Variants in SLC9C2 observed in about 807,000 individuals in gnomAD.
SLC9C2 encodes sodium/hydrogen exchanger 11.
Under a neutral mutation model 140.2 loss-of-function variants are expected in SLC9C2, and 75 were observed. That is an observed-to-expected ratio of 0.53 (90% CI 0.44 to 0.65). The LOEUF (loss-of-function observed/expected upper bound fraction) is 0.65, where lower values mean the gene tolerates loss of function less well. Among genes scored for constraint, SLC9C2 ranks in the 30% least tolerant of loss-of-function variants. SLC9C2 has a pLI of 0.00. For missense variants in SLC9C2, 1,074 were observed against 1,331.8 expected (o/e 0.81, Z 3.01); for synonymous variants, 375 against 420.9 (o/e 0.89, Z 1.34).
At chr1:173,563,649 T>C (rs898957577) in intron 9 of SLC9C2, among the ~76,000 whole-genome samples, 4 of 152,200 alleles carry the variant, frequency 2.6e-5, no homozygotes, top group African/African-American at 7.2e-5. Context: ...TGCATAATAA[T>C]GACATCATGC....
chr1:173,585,286 G>T (rs891421900), intron 5 of SLC9C2, among the ~76,000 whole-genome samples: 2 of 152,174 alleles, frequency 1.3e-5, no homozygotes, highest in Non-Finnish European at 2.9e-5. Context: ...TTACAATGCA[G>T]ATGGGCACCT....
intron 9 of SLC9C2, among the ~76,000 whole-genome samples, chr1:173,564,907 G>C (rs1664361971): frequency 6.6e-6 from 1 of 150,674 alleles, no homozygotes; most frequent in Admixed American, 6.6e-5. Context: ...AAAGTGCTGG[G>C]ATTACAGGCG....
At chr1:173,532,820 G>A (rs1285844870) in intron 17 of SLC9C2, among the ~76,000 whole-genome samples, 5 of 152,154 alleles carry the variant, frequency 3.3e-5, no homozygotes, top group Non-Finnish European at 5.9e-5. Flanking sequence ...GCCGAAACAG[G>A]AGGATTGCTG....
Position 173,533,656 on chromosome 1 carries a change from C to T in SLC9C2, c.2116G>A (p.Val706Ile). 1 of 1,609,186 alleles carries T rather than the reference C, an allele frequency of 6.2e-7. No homozygotes were observed. Among genetic ancestry groups the T allele is most frequent in the Non-Finnish European group, 8.5e-7 (1 of 1,176,738 alleles). Residue 706 changes from valine to isoleucine, a missense_variant, in exon 17 of 28, where the codon GTA (valine) becomes ATA (isoleucine). By Grantham distance (29) the Val-to-Ile change is conservative. Transcript: ENST00000367714. ...ATTATTCTTAAATATCCCATTATTA[C>T]TGTAAGCTGTATAAGAGCCAAGTTG... ...PDNLALIQLT[V>I]IMGYLRIIRF... is the part of the protein sequence containing the mutation.
At chr1:173,549,997 A>C (rs1663144630) in intron 11 of SLC9C2, among the ~76,000 whole-genome samples, 1 of 152,208 alleles carries the variant, frequency 6.6e-6, no homozygotes, top group Non-Finnish European at 1.5e-5. Context: ...TGGCAGCCAA[A>C]GGGATTTGGT....
At position 173,509,601 on chromosome 1, in the gene SLC9C2, G is replaced by T; in HGVS notation, c.3006C>A (p.Ala1002=). The T allele has an allele frequency of 6.3e-7, 1 of 1,588,944 alleles. No individual in the cohort carries two copies. Among genetic ancestry groups the T allele is most frequent in the East Asian group, 2.3e-5 (1 of 44,116 alleles). Residue 1002 remains alanine (A), a synonymous_variant, in exon 24 of 28, where the codon GCC becomes GCA. Coordinates refer to ENST00000367714, the MANE Select transcript of SLC9C2 (RefSeq NM_178527.4). ...KIWLKLALST[A]YQYFESSLID... The stretch of plus-strand genomic sequence containing the variant: ...TAAGACTTGATTCAAAATACTGATA[G>T]GCAGTACTGAGAGCAAGCTTTAGCC...
At chr1:173,512,169 T>A (rs772462696) in intron 23 of SLC9C2, among the ~76,000 whole-genome samples, 3 of 152,216 alleles carry the variant, frequency 2.0e-5, no homozygotes, top group Non-Finnish European at 2.9e-5. Flanking sequence ...TTTAAAATAG[T>A]TTTTTCTAAT....
At chr1:173,571,082 G>T (rs1311667463) in intron 9 of SLC9C2, among the ~76,000 whole-genome samples, 7 of 152,108 alleles carry the variant, frequency 4.6e-5, no homozygotes, top group Admixed American at 2.6e-4. Flanking sequence ...GTTCCTGCAG[G>T]GGGGTGAGAG....
Position 173,507,508 on chromosome 1 carries a change from G to GCACA in SLC9C2, c.3040-471_3040-468dup, listed in dbSNP as rs148480049. ...AGGGAGTTATTATGGGTTGAATTGTGCACACACACACACACACACACACCA... is the reference window on the plus strand; with the variant it reads ...AGGGAGTTATTATGGGTTGAATTGTGCACACACACACACACACACACACACACCA... On this transcript the variant is annotated intron_variant, in intron 24 of 27. Coordinates refer to ENST00000367714, the MANE Select transcript of SLC9C2 (RefSeq NM_178527.4). Among the ~76,000 whole-genome samples the GCACA allele has an allele frequency of 7.3e-3, 934 of 128,114 alleles. 8 individuals carry two copies. Among genetic ancestry groups the GCACA allele is most frequent in the African/African-American group, 0.016 (635 of 38,766 alleles). 84.0% of individuals were successfully genotyped at this position (128,114 alleles called of 152,430 possible).
At chr1:173,575,806 C>A (rs12041743) in intron 8 of SLC9C2, among the ~76,000 whole-genome samples, 21,286 of 152,120 alleles carry the variant, frequency 0.14, 1,784 homozygotes, top group East Asian at 0.32. Flanking sequence ...TCTCGATCTC[C>A]TGACCTCGTG....
Position 173,554,783 on chromosome 1 carries a change from A to C in SLC9C2, c.1247T>G (p.Leu416Trp). The C allele has an allele frequency of 6.2e-7, 1 of 1,607,956 alleles. No individual in the cohort carries two copies. The part of the protein sequence containing the change: ...FILYVQVISL[L>W]TMGINSYVMT... ...CACGTATGAATTTATTCCCATTGTC[A>C]ATAATGATATTACTTGTACATAGAG... Residue 416 changes from leucine to tryptophan, a missense_variant, in exon 11 of 28, where the codon TTG (leucine) becomes TGG (tryptophan). Leu to Trp is a moderately conservative substitution (Grantham distance 61). Coordinates refer to ENST00000367714, the MANE Select transcript of SLC9C2 (RefSeq NM_178527.4).
At chr1:173,537,633 CAT>C (rs1662074596) in intron 13 of SLC9C2, among the ~76,000 whole-genome samples, 1 of 151,844 alleles carries the variant, frequency 6.6e-6, no homozygotes, top group Non-Finnish European at 1.5e-5. Context: ...TACACACACA[CAT>C]ATATACGCAT....
Position 173,505,407 on chromosome 1 carries a change from A to G in SLC9C2, c.3226-76T>C, listed in dbSNP as rs897326900. On this transcript the variant is annotated intron_variant, in intron 25 of 27. Coordinates refer to ENST00000367714, the MANE Select transcript of SLC9C2 (RefSeq NM_178527.4). ...CCTGGCTGCTTCCTAATCTTTCCAA[A>G]GAGTATAAAAAATAAGCCAAAGCCT... 14 of 1,148,224 alleles carry G rather than the reference A, an allele frequency of 1.2e-5. No homozygotes were observed. The African/African-American group carries it at 2.0e-4, about 16-fold the overall frequency. 71.1% of individuals were successfully genotyped at this position (1,148,224 alleles called of 1,614,324 possible).
rs1257215700 is a variant in SLC9C2, at chr1:173,587,820, G to A, written c.368C>T (p.Thr123Ile). 8 of 1,611,432 alleles carry A rather than the reference G, an allele frequency of 5.0e-6. No individual in the cohort carries two copies. The highest frequency in any genetic ancestry group is 2.2e-5 in the East Asian group (1 of 44,764). The change falls in exon 5 of 28, where the codon ACT (threonine) becomes ATT (isoleucine). Residue 123 changes from threonine (T) to isoleucine (I), a missense_variant. Thr to Ile is a moderately conservative substitution (Grantham distance 89, BLOSUM62 -1). Coordinates refer to ENST00000367714, the MANE Select transcript of SLC9C2 (RefSeq NM_178527.4). The stretch of plus-strand genomic sequence containing the variant: ...TGCTGTAGAAAAGCTAATTAATCCA[G>A]TTAACAAGACCTGTGAACCAATTCA... ...LKKMFWQVLL[T>I]GLISFSTASI...
At chr1:173,589,264 A>G (rs1228263780) in intron 4 of SLC9C2, among the ~76,000 whole-genome samples, 3 of 152,086 alleles carry the variant, frequency 2.0e-5, no homozygotes, top group Admixed American at 2.0e-4. Context: ...GTCTTTTTAA[A>G]TTCTAGAGTA....
At chr1:173,562,898 A>C (rs180750130) in intron 9 of SLC9C2, among the ~76,000 whole-genome samples, 1 of 152,290 alleles carries the variant, frequency 6.6e-6, no homozygotes, top group Admixed American at 6.5e-5. Flanking sequence ...CTGCGGAAAC[A>C]AACATTAAAT....
chr1:173,559,629 C>T (rs2102115808), intron 9 of SLC9C2, among the ~76,000 whole-genome samples: 1 of 152,330 alleles, frequency 6.6e-6, no homozygotes, highest in Admixed American at 6.5e-5. Context: ...ACTTTGGTGA[C>T]CCTTCTGGCA....
intron 5 of SLC9C2, 45 bp downstream of exon 5, chr1:173,587,620 A>G (rs984658535): frequency 6.7e-7 from 1 of 1,491,000 alleles, no homozygotes; most frequent in African/African-American, 1.4e-5. Context: ...AAAATAATGT[A>G]CCCTTATATT....
At chr1:173,523,320 C>T (rs934313049) in intron 21 of SLC9C2, among the ~76,000 whole-genome samples, 2 of 151,366 alleles carry the variant, frequency 1.3e-5, no homozygotes, top group Non-Finnish European at 1.5e-5. Flanking sequence ...TGCAGTGAGC[C>T]GAGATCACAC....
Sources: allele counts gnomAD v4.1 joint callset (sites outside exome capture counted in the v4.1 genomes callset), GRCh38; gene constraint gnomAD v4.1.1; transcripts MANE v1.5; gene names NCBI Gene and HGNC (gene_info 2026-07-23, HGNC 2026-07-21).